CNTNAP4: variants seen among roughly 807,000 people sequenced by gnomAD.
CNTNAP4 encodes contactin associated protein family member 4, also known as contactin-associated protein-like 4.
Under a neutral mutation model 148.4 loss-of-function variants are expected in CNTNAP4, and 98 were observed. The observed-to-expected ratio is 0.66, with a 90% CI of 0.56 to 0.78. The LOEUF (loss-of-function observed/expected upper bound fraction) is 0.78. CNTNAP4 is among the 30% of genes least tolerant of loss of function. The probability of loss-of-function intolerance (pLI) is 0.00; values close to 1 mark genes in which losing one functional copy is unlikely to be tolerated. For missense variants in CNTNAP4, 1,935 were observed against 1,565.6 expected (o/e 1.24, Z -3.98); for synonymous variants, 730 against 565.1 (o/e 1.29, Z -4.14).
chr16:76,396,379 G>A (rs1265151360), intron 3 of CNTNAP4, among the ~76,000 whole-genome samples: 1 of 152,192 alleles, frequency 6.6e-6, no homozygotes, highest in African/African-American at 2.4e-5. Flanking sequence ...GGGACAGGAT[G>A]CACCCTATGT....
intron 8 of CNTNAP4, among the ~76,000 whole-genome samples, chr16:76,457,989 T>A (rs112120214): frequency 0.019 from 2,887 of 152,224 alleles, 93 homozygotes; most frequent in African/African-American, 0.066. Flanking sequence ...GTTTTTCCCA[T>A]CTGTATGACC....
intron 1 of CNTNAP4, among the ~76,000 whole-genome samples, chr16:76,292,040 G>A (rs1309520499): frequency 6.6e-6 from 1 of 152,138 alleles, no homozygotes; most frequent in Admixed American, 6.5e-5. Flanking sequence ...TGAACTCATT[G>A]GTTGTCCATT....
At chr16:76,448,484 T>C (rs2080333187) in intron 5 of CNTNAP4, among the ~76,000 whole-genome samples, 1 of 152,130 alleles carries the variant, frequency 6.6e-6, no homozygotes, top group Non-Finnish European at 1.5e-5. Context: ...TTGAAAAATG[T>C]TGAGGTAGTA....
intron 9 of CNTNAP4, among the ~76,000 whole-genome samples, chr16:76,466,698 A>G (rs900374672): frequency 2.0e-5 from 3 of 151,996 alleles, no homozygotes; most frequent in Non-Finnish European, 4.4e-5. Context: ...GCCTTATATA[A>G]ATGTTAGAAA....
chr16:76,390,263 G>A (rs1418571584), intron 3 of CNTNAP4, among the ~76,000 whole-genome samples: 2 of 152,086 alleles, frequency 1.3e-5, no homozygotes, highest in African/African-American at 4.8e-5. Flanking sequence ...GTGAAGAGTG[G>A]GCATCTCTTA....
intron 23 of CNTNAP4, chr16:76,558,000 A>C (rs2085266472): frequency 6.6e-6 from 1 of 152,274 alleles, no homozygotes; most frequent in Non-Finnish European, 1.5e-5. Flanking sequence ...ATATTTGTAT[A>C]TGTGTTATTG....
chr16:76,521,950 T>TA, intron 16 of CNTNAP4, 89 bp from the exon 17 acceptor site: 6 of 1,151,486 alleles, frequency 5.2e-6, no homozygotes, highest in Non-Finnish European at 6.5e-6. Flanking sequence ...CAGCGATTGT[T>TA]ACGCTGTAGT....
At chr16:76,285,157 G>A (rs1958830716) in intron 1 of CNTNAP4, among the ~76,000 whole-genome samples, 3 of 151,804 alleles carry the variant, frequency 2.0e-5, no homozygotes, top group African/African-American at 4.8e-5. Flanking sequence ...ATATGCTTGG[G>A]TGTTTTTTTT....
chr16:76,353,651 C>A (rs1009355942), intron 2 of CNTNAP4, among the ~76,000 whole-genome samples: 1 of 152,006 alleles, frequency 6.6e-6, no homozygotes, highest in African/African-American at 2.4e-5. Flanking sequence ...AGCTAGCTAG[C>A]CCTATCCTGC....
intron 23 of CNTNAP4, 143 bp from the exon 24 acceptor site, chr16:76,558,347 A>G: frequency 1.8e-6 from 1 of 546,512 alleles, no homozygotes; most frequent in Non-Finnish European, 3.2e-6. Flanking sequence ...AGCCAGAAAT[A>G]CCTGAAGTTT....
At position 76,441,471 on chromosome 16, in the gene CNTNAP4, C is replaced by T. The variant is rs185635638; in HGVS notation, c.539-6541C>T. Among the ~76,000 whole-genome samples the T allele has an allele frequency of 3.1e-3, 465 of 152,220 alleles. 3 individuals carry two copies. The highest frequency in any genetic ancestry group is 0.01 in the African/African-American group (423 of 41,542). ...AGGGAGAATTGATATGAGAGTAGGG[C>T]GTACAATCTTTTTGAGTCTCTTCTT... On this transcript the variant is annotated intron_variant, in intron 4 of 23. Coordinates refer to ENST00000611870, the MANE Select transcript of CNTNAP4 (RefSeq NM_033401.5).
At chr16:76,361,385 A>G (rs185943704) in intron 3 of CNTNAP4, among the ~76,000 whole-genome samples, 1 of 152,246 alleles carries the variant, frequency 6.6e-6, no homozygotes, top group East Asian at 1.9e-4. Context: ...CCTCATATGA[A>G]AGTGGCAACA....
intron 5 of CNTNAP4, 110 bp from the exon 6 acceptor site, chr16:76,448,657 G>A (rs78330449): frequency 0.033 from 24,965 of 749,588 alleles, 632 homozygotes; most frequent in African/African-American, 0.099. Flanking sequence ...AACGGAATGC[G>A]TAGAAGGAGA....
intron 2 of CNTNAP4, among the ~76,000 whole-genome samples, chr16:76,342,465 C>CTTTTTTTTTTT (rs397854943): frequency 1.1e-5 from 1 of 91,490 alleles, no homozygotes; most frequent in Non-Finnish European, 2.0e-5. Context: ...TTGCTAATTT[C>CTTTTTTTTTTT]TTTTTTTTTT....
chr16:76,496,578 C>T (rs1434542101), intron 14 of CNTNAP4, among the ~76,000 whole-genome samples: 1 of 151,996 alleles, frequency 6.6e-6, no homozygotes, highest in Admixed American at 6.6e-5. Context: ...GACAATATCC[C>T]AGATATAGAG....
At position 76,506,372 on chromosome 16, in the gene CNTNAP4, C is replaced by T. The variant is rs1336590570; in HGVS notation, c.2365+7678C>T. Among the ~76,000 whole-genome samples, 2 of 81,756 alleles carry T rather than the reference C, an allele frequency of 2.4e-5. 1 individual carries two copies. Among genetic ancestry groups the T allele is most frequent in the Non-Finnish European group, 7.4e-5 (2 of 27,072 alleles). 53.6% of individuals were successfully genotyped at this position (81,756 alleles called of 152,430 possible). A position where few individuals can be genotyped will look rare whatever the true frequency, so the allele number is the denominator to read the frequency against. ...TTTCCTTATCTCCCTCCCTCCCTTC[C>T]TCCCTTCCTCATTTCCTTCTTTCCT... On this transcript the variant is annotated intron_variant, in intron 15 of 23. Coordinates refer to ENST00000611870, the MANE Select transcript of CNTNAP4 (RefSeq NM_033401.5).
At chr16:76,309,531 A>G (rs1960862328) in intron 1 of CNTNAP4, among the ~76,000 whole-genome samples, 1 of 152,180 alleles carries the variant, frequency 6.6e-6, no homozygotes, top group Non-Finnish European at 1.5e-5. Context: ...CTTTCTCTAT[A>G]CTTAGTAAAA....
intron 21 of CNTNAP4, among the ~76,000 whole-genome samples, chr16:76,544,752 ACT>A (rs1380321333): frequency 2.0e-5 from 3 of 150,654 alleles, no homozygotes; most frequent in Admixed American, 1.3e-4. Flanking sequence ...GATTGTTTTC[ACT>A]CTTTCTCAGC....
At chr16:76,399,333 TG>T (rs2078322343) in intron 3 of CNTNAP4, among the ~76,000 whole-genome samples, 1 of 152,094 alleles carries the variant, frequency 6.6e-6, no homozygotes, top group African/African-American at 2.4e-5. Flanking sequence ...AGCCATGAAA[TG>T]AGATGATGTG....
Sources: allele counts gnomAD v4.1 joint callset (sites outside exome capture counted in the v4.1 genomes callset), GRCh38; gene constraint gnomAD v4.1.1; transcripts MANE v1.5; gene names NCBI Gene and HGNC (gene_info 2026-07-23, HGNC 2026-07-21).